CORT: variants seen among roughly 807,000 people sequenced by gnomAD.
CORT encodes the protein cortistatin-14.
Under a neutral mutation model 4.4 loss-of-function variants are expected in CORT, and 2 were observed. The ratio of observed to expected loss-of-function variants is 0.46; its 90% CI spans 0.19 to 1.44. The LOEUF (loss-of-function observed/expected upper bound fraction) is 1.44, where lower values mean the gene tolerates loss of function less well. Among genes scored for constraint, CORT ranks in the 40% most tolerant of loss-of-function variants. The pLI, the probability that CORT is intolerant of heterozygous loss-of-function variation, is 0.26. For missense variants in CORT, 158 were observed against 140.2 expected, an observed-to-expected ratio of 1.13 and a Z score of -0.64; for synonymous variants, 72 against 62.0, an observed-to-expected ratio of 1.16 and a Z score of -0.75.
Position 10,450,085 on chromosome 1 carries a change from CA to C in CORT, c.-134del. The C allele has an allele frequency of 6.3e-7, 1 of 1,599,166 alleles. No individual in the cohort carries two copies. Among genetic ancestry groups the C allele is most frequent in the Non-Finnish European group, 8.5e-7 (1 of 1,172,834 alleles). On this transcript the variant is annotated 5_prime_UTR_variant, in exon 1 of 2. It introduces an in-frame stop codon into an upstream open reading frame of the 5' UTR. Coordinates refer to ENST00000377049, the MANE Select transcript of CORT (RefSeq NM_001302.5). The stretch of plus-strand genomic sequence containing the variant: ...TCCAGGCGTTAGACATGTATAGACA[CA>C]AAAACAGCTGGAGATTGGGCTTAAA...
Position 10,450,327 on chromosome 1 carries a change from G to A in CORT, c.99+5G>A, listed in dbSNP as rs1292029120. ...CCCACCGGCCGAGACAGCGAGGTGA[G>A]TACAGTCCCGACGTGGCCACACGCT... On this transcript the variant is annotated splice_donor_5th_base_variant and intron_variant, in intron 1 of 1. Coordinates refer to ENST00000377049, the MANE Select transcript of CORT (RefSeq NM_001302.5). 6.7e-7 allele frequency: 1 copy of A among 1,499,216 alleles called. No homozygotes were observed. The highest frequency in any genetic ancestry group is 8.9e-7 in the Non-Finnish European group (1 of 1,124,468). The allele number at this position is 1,499,216 out of a possible 1,614,324, so 92.9% of individuals were successfully genotyped here. A position where few individuals can be genotyped will look rare whatever the true frequency, so the allele number is the denominator to read the frequency against.
Position 10,450,127 on chromosome 1 carries a change from C to T in CORT, c.-97C>T. The T allele has an allele frequency of 6.2e-7, 1 of 1,608,958 alleles. No individual in the cohort carries two copies. Among genetic ancestry groups the T allele is most frequent in the South Asian group, 1.1e-5 (1 of 89,406 alleles). On this transcript the variant is annotated 5_prime_UTR_variant, in exon 1 of 2. Transcript: ENST00000377049. Reference sequence around the variant, plus strand: ...TGGGCTTAAAATACCCACCAAGCTCCAAAGAAGAGACCCAAGTCCCCAAAA... The same window carrying T: ...TGGGCTTAAAATACCCACCAAGCTCTAAAGAAGAGACCCAAGTCCCCAAAA...
chr1:10,450,218 C>G lies in CORT; in HGVS notation c.-6C>G. 1 of 1,605,252 alleles carries G rather than the reference C, an allele frequency of 6.2e-7. No homozygotes were observed. The highest frequency in any genetic ancestry group is 8.5e-7 in the Non-Finnish European group (1 of 1,175,876). On this transcript the variant is annotated 5_prime_UTR_variant, in exon 1 of 2. Transcript: ENST00000377049. The stretch of plus-strand genomic sequence containing the variant: ...GGTGGGAGAGAAGCTCCAGTCAGCC[C>G]ACAAGATGCCATTGTCCCCCGGCCT...
In CORT at chr1:10,451,380, A is replaced by C; in HGVS notation, c.103A>C (p.Met35Leu). The change falls in exon 2 of 2, where the codon ATG (methionine) becomes CTG (leucine). Residue 35 changes from methionine to leucine, a missense_variant. By Grantham distance (15) the Met-to-Leu change is conservative. Coordinates refer to ENST00000377049, the MANE Select transcript of CORT (RefSeq NM_001302.5). ...GGPTGRDSEHMQEAAGIRKSS... is the reference protein window; with the variant it reads ...GGPTGRDSEHLQEAAGIRKSS... ...GCCATCTGCTTCTCTTTAAAAGCAT[A>C]TGCAGGAAGCGGCAGGAATAAGGAA... 6.2e-7 allele frequency: 1 copy of C among 1,606,876 alleles called. No individual in the cohort carries two copies. The highest frequency in any genetic ancestry group is 1.3e-5 in the African/African-American group (1 of 74,636).
At position 10,451,377 on chromosome 1, in the gene CORT, C is replaced by T. The variant is rs1217036171; in HGVS notation, c.100C>T (p.His34Tyr). 3.1e-6 allele frequency: 5 copies of T among 1,605,376 alleles called. No homozygotes were observed. The highest frequency in any genetic ancestry group is 4.3e-6 in the Non-Finnish European group (5 of 1,176,108). ...EGGPTGRDSEHMQEAAGIRKS... is the reference protein window; with the variant it reads ...EGGPTGRDSEYMQEAAGIRKS... ...TTTGCCATCTGCTTCTCTTTAAAAG[C>T]ATATGCAGGAAGCGGCAGGAATAAG... The change falls in exon 2 of 2, where the codon CAT (histidine) becomes TAT (tyrosine). Residue 34 changes from histidine to tyrosine, a missense_variant and splice_region_variant. Coordinates refer to ENST00000377049, the MANE Select transcript of CORT (RefSeq NM_001302.5).
chr1:10,450,624 C>T lies in CORT; in HGVS notation c.99+302C>T, dbSNP rs188841928. Among the ~76,000 whole-genome samples the T allele has an allele frequency of 4.6e-5, 7 of 152,294 alleles. No individual in the cohort carries two copies. The East Asian group carries it at 1.2e-3, about 25-fold the overall frequency. ...GTGTACCCGTCCACTGCAGGGCAGG[C>T]ATGGAGCTGCGACAGCCCTTCCAGA... On this transcript the variant is annotated intron_variant, in intron 1 of 1. Coordinates refer to ENST00000377049, the MANE Select transcript of CORT (RefSeq NM_001302.5).
rs1262052501 is a variant in CORT at position 10,450,140 on chromosome 1, C to T, written c.-84C>T. 1 of 1,610,026 alleles carries T rather than the reference C, an allele frequency of 6.2e-7. No homozygotes were observed. On this transcript the variant is annotated 5_prime_UTR_variant, in exon 1 of 2. The change creates a premature stop within an existing upstream ORF in the 5' untranslated region. Transcript: ENST00000377049. ...CCCACCAAGCTCCAAAGAAGAGACC[C>T]AAGTCCCCAAAACATTGATTTCAGG... is the stretch of plus-strand genomic sequence containing the variant.
Position 10,450,274 on chromosome 1 carries a change from C to T in CORT, c.51C>T (p.Ala17=). ...LLLLLLSGAT[A]TAALPLEGGP... ...TGCTGCTGCTCTCCGGGGCCACGGC[C>T]ACCGCTGCCCTGCCCCTGGAGGGTG... is the stretch of plus-strand genomic sequence containing the variant. The change falls in exon 1 of 2, where the codon GCC becomes GCT. Residue 17 remains alanine, a synonymous_variant. Coordinates refer to ENST00000377049, the MANE Select transcript of CORT (RefSeq NM_001302.5). 1 of 1,553,292 alleles carries T rather than the reference C, an allele frequency of 6.4e-7. No homozygotes were observed.
intron 1 of CORT, among the ~76,000 whole-genome samples, chr1:10,450,992 G>A (rs890219557): frequency 6.6e-6 from 1 of 152,142 alleles, no homozygotes; most frequent in Non-Finnish European, 1.5e-5. Flanking sequence ...GAGTAAATTA[G>A]CCTGATCCAA....
At chr1:10,451,298 A>T in intron 1 of CORT, 79 bp from the exon 2 acceptor site, 2 of 1,421,166 alleles carry the variant, frequency 1.4e-6, no homozygotes, top group Non-Finnish European at 1.8e-6. Context: ...TAAGGAGGAG[A>T]TTGCATATCT....
chr1:10,451,273 A>ATT (rs3838398), intron 1 of CORT, 104 bp from the exon 2 acceptor site: 53 of 1,202,364 alleles, frequency 4.4e-5, no homozygotes, highest in South Asian at 1.3e-4. Flanking sequence ...CTTTTAGATC[A>ATT]TTTTTTTTTT....
rs371268414 is a variant in CORT at position 10,451,362 on chromosome 1, G to C, written c.100-15G>C. On this transcript the variant is annotated splice_polypyrimidine_tract_variant and intron_variant, in intron 1 of 1. Transcript: ENST00000377049. ...CTGAGTTTTCTTTCCTTTGCCATCT[G>C]CTTCTCTTTAAAAGCATATGCAGGA... 6.3e-7 allele frequency: 1 copy of C among 1,576,170 alleles called. No homozygotes were observed. Among genetic ancestry groups the C allele is most frequent in the Non-Finnish European group, 8.6e-7 (1 of 1,160,424 alleles).
Position 10,450,216 on chromosome 1 carries a change from C to A in CORT, c.-8C>A, listed in dbSNP as rs1203317452. 6.2e-7 allele frequency: 1 copy of A among 1,606,292 alleles called. No homozygotes were observed. The highest frequency in any genetic ancestry group is 8.5e-7 in the Non-Finnish European group (1 of 1,176,478). On this transcript the variant is annotated 5_prime_UTR_variant, in exon 1 of 2. Transcript: ENST00000377049. The stretch of plus-strand genomic sequence containing the variant: ...AGGGTGGGAGAGAAGCTCCAGTCAG[C>A]CCACAAGATGCCATTGTCCCCCGGC...
In CORT at chr1:10,451,487, C is replaced by T. The variant is rs628462; in HGVS notation, c.210C>T (p.Ala70=). The change falls in exon 2 of 2, where the codon GCC becomes GCT. Residue 70 remains alanine (A), a synonymous_variant. Coordinates refer to ENST00000377049, the MANE Select transcript of CORT (RefSeq NM_001302.5). ...CCGGGCCCCTCATAGGAGAGGAAGC[C>T]CGGGAGGTGGCCAGGCGGCAGGAAG... ...ASAGPLIGEE[A]REVARRQEGA... 0.38 allele frequency: 608,217 copies of T among 1,613,744 alleles called. 119,759 individuals are homozygous for T. The highest frequency in any genetic ancestry group is 0.53 in the East Asian group (23,851 of 44,850).
rs772029734 is a variant in CORT at position 10,451,522 on chromosome 1, C to T, written c.245C>T (p.Pro82Leu). ...GCCAGGCGGCAGGAAGGCGCACCCC[C>T]CCAGCAATCTGCGCGCCGGGACAGA... is the stretch of plus-strand genomic sequence containing the variant. ...EVARRQEGAPPQQSARRDRMP... is the reference protein window; with the variant it reads ...EVARRQEGAPLQQSARRDRMP... Residue 82 changes from proline to leucine, a missense_variant, in exon 2 of 2, where the codon CCC becomes CTC. Coordinates refer to ENST00000377049, the MANE Select transcript of CORT (RefSeq NM_001302.5). The T allele has an allele frequency of 1.2e-6, 2 of 1,614,062 alleles. No homozygotes were observed. Among genetic ancestry groups the T allele is most frequent in the South Asian group, 1.1e-5 (1 of 91,076 alleles).
Position 10,450,123 on chromosome 1 carries a change from G to A in CORT, c.-101G>A, listed in dbSNP as rs377214659. On this transcript the variant is annotated 5_prime_UTR_variant, in exon 1 of 2. Coordinates refer to ENST00000377049, the MANE Select transcript of CORT (RefSeq NM_001302.5). ...AGATTGGGCTTAAAATACCCACCAA[G>A]CTCCAAAGAAGAGACCCAAGTCCCC... The A allele has an allele frequency of 6.2e-7, 1 of 1,607,706 alleles. No individual in the cohort carries two copies. Among genetic ancestry groups the A allele is most frequent in the African/African-American group, 1.3e-5 (1 of 74,850 alleles).
rs1467177385 is a variant in CORT at position 10,451,823 on chromosome 1, T to C, written c.*228T>C. ...ACTGGACTGTGCTGAGTGCGGGCAC[T>C]GGGCTTTTCTTCTGATGTTCATTAT... On this transcript the variant is annotated 3_prime_UTR_variant, in exon 2 of 2. Transcript: ENST00000377049. The C allele has an allele frequency of 1.5e-5, 8 of 540,530 alleles. No homozygotes were observed. Among genetic ancestry groups the C allele is most frequent in the Non-Finnish European group, 2.0e-5 (7 of 342,418 alleles). 33.5% of individuals were successfully genotyped at this position (540,530 alleles called of 1,614,324 possible).
In CORT at chr1:10,451,428, G is replaced by A. The variant is rs781697531; in HGVS notation, c.151G>A (p.Ala51Thr). The A allele has an allele frequency of 6.2e-6, 10 of 1,613,696 alleles. No homozygotes were observed. The highest frequency in any genetic ancestry group is 3.3e-5 in the South Asian group (3 of 91,020). The change falls in exon 2 of 2, where the codon GCT becomes ACT. Residue 51 changes from alanine (A) to threonine (T), a missense_variant. Coordinates refer to ENST00000377049, the MANE Select transcript of CORT (RefSeq NM_001302.5). Reference sequence around the variant, plus strand: ...GAAAAGCAGCCTCCTGACTTTCCTCGCTTGGTGGTTTGAGTGGACCTCCCA... The same window carrying A: ...GAAAAGCAGCCTCCTGACTTTCCTCACTTGGTGGTTTGAGTGGACCTCCCA... ...IRKSSLLTFL[A>T]WWFEWTSQAS...
At position 10,451,439 on chromosome 1, in the gene CORT, T is replaced by G. The variant is rs935263406; in HGVS notation, c.162T>G (p.Phe54Leu). ...TCCTGACTTTCCTCGCTTGGTGGTT[T>G]GAGTGGACCTCCCAGGCCAGTGCCG... ...SSLLTFLAWW[F>L]EWTSQASAGP... Residue 54 changes from phenylalanine (F) to leucine (L), a missense_variant, in exon 2 of 2, where the codon TTT becomes TTG. Coordinates refer to ENST00000377049, the MANE Select transcript of CORT (RefSeq NM_001302.5). 2.5e-6 allele frequency: 4 copies of G among 1,613,836 alleles called. No homozygotes were observed. Among genetic ancestry groups the G allele is most frequent in the Non-Finnish European group, 2.5e-6 (3 of 1,179,844 alleles).
Sources: allele counts gnomAD v4.1 joint callset (sites outside exome capture counted in the v4.1 genomes callset), GRCh38; gene constraint gnomAD v4.1.1; transcripts MANE v1.5; gene names NCBI Gene and HGNC (gene_info 2026-07-23, HGNC 2026-07-21).